PCDHGA5: variants seen among roughly 807,000 people sequenced by gnomAD.
PCDHGA5 encodes the protein protocadherin gamma subfamily A, 5.
Under a neutral mutation model 56.7 loss-of-function variants are expected in PCDHGA5, and 36 were observed. That is an observed-to-expected ratio of 0.64 (90% confidence interval 0.49 to 0.84). PCDHGA5 has a LOEUF of 0.84. PCDHGA5 is among the 40% of genes least tolerant of loss of function. The pLI is 0.00. For synonymous variants in PCDHGA5, 563 were observed against 520.2 expected, an observed-to-expected ratio of 1.08 and a Z score of -1.12; for missense variants, 1,305 against 1,201.5, an observed-to-expected ratio of 1.09 and a Z score of -1.27.
At chr5:141,400,232 C>CT (rs1207022796) in intron 1 of PCDHGA5, 6 of 1,613,914 alleles carry the variant, frequency 3.7e-6, no homozygotes, top group African/African-American at 1.3e-5. Context: ...TTCCTCCTGG[C>CT]CGTGATTCTG....
At chr5:141,410,736 A>G (rs553799279) in intron 1 of PCDHGA5, 1 of 1,334,690 alleles carries the variant, frequency 7.5e-7, no homozygotes, top group East Asian at 2.4e-5. Flanking sequence ...ATAGCTTTTT[A>G]CAATATTTTC....
chr5:141,420,318 T>C, intron 1 of PCDHGA5: 1 of 1,446,376 alleles, frequency 6.9e-7, no homozygotes, highest in Non-Finnish European at 9.3e-7. Context: ...TATTACAATA[T>C]GCCAATATAT....
rs757663132 is a variant in PCDHGA5 at position 141,510,991 on chromosome 5, A to G, written c.2614A>G (p.Met872Val). ...CACCCTGGGAGGGGGTGCCGGCACC[A>G]TGGGATTGAGCGCCCGCTACGGACC... is the stretch of plus-strand genomic sequence containing the variant. ...SSTLGGGAGT[M>V]GLSARYGPQF... is the part of the protein sequence containing the mutation. Residue 872 changes from methionine (M) to valine (V), a missense_variant, in exon 4 of 4, where the codon ATG becomes GTG. Coordinates refer to ENST00000518069, the MANE Select transcript of PCDHGA5 (RefSeq NM_018918.3). 1.2e-6 allele frequency: 2 copies of G among 1,614,136 alleles called. No individual in the cohort carries two copies. Among genetic ancestry groups the G allele is most frequent in the Admixed American group, 3.3e-5 (2 of 60,022 alleles).
At chr5:141,428,008 T>C (rs2097099623) in intron 1 of PCDHGA5, 4 of 1,601,848 alleles carry the variant, frequency 2.5e-6, no homozygotes, top group Admixed American at 3.3e-5. Context: ...CTCTTCGATA[T>C]AGTGCCACGC....
intron 1 of PCDHGA5, chr5:141,426,945 A>G: frequency 8.8e-6 from 4 of 456,724 alleles, no homozygotes; most frequent in Non-Finnish European, 1.8e-5. Context: ...CCCAGTCCCA[A>G]CTGGCACTGC....
At chr5:141,446,049 G>T (rs1043671484) in intron 1 of PCDHGA5, among the ~76,000 whole-genome samples, 1 of 152,100 alleles carries the variant, frequency 6.6e-6, no homozygotes, top group African/African-American at 2.4e-5. Context: ...AAGAAGAGCT[G>T]GCTTGGATTA....
chr5:141,409,004 G>A, intron 1 of PCDHGA5: 3 of 1,614,004 alleles, frequency 1.9e-6, no homozygotes, highest in Non-Finnish European at 1.7e-6. Context: ...GACAGCCACT[G>A]ACCAGGATGA....
At position 141,463,610 on chromosome 5, in the gene PCDHGA5, G is replaced by T. The variant is rs189991450; in HGVS notation, c.2422-31197G>T. Among the ~76,000 whole-genome samples, 263 of 151,786 alleles carry T rather than the reference G, an allele frequency of 1.7e-3. 1 individual carries two copies. The highest frequency in any genetic ancestry group is 3.4e-3 in the Middle Eastern group (1 of 292). ...ACTACAGGTGCCTGCCACCATGCCC[G>T]GCTAATTTTTTGTATTTTGTTTAGT... On this transcript the variant is annotated intron_variant, in intron 1 of 3. Transcript: ENST00000518069.
chr5:141,394,276 C>T, intron 1 of PCDHGA5: 2 of 1,613,976 alleles, frequency 1.2e-6, no homozygotes, highest in South Asian at 1.1e-5. Flanking sequence ...GCCCAGGTCA[C>T]TTACTCTGTG....
chr5:141,410,650 T>C (rs781083173), intron 1 of PCDHGA5: 3 of 1,590,604 alleles, frequency 1.9e-6, no homozygotes, highest in Non-Finnish European at 2.6e-6. Context: ...GTGTGATTTA[T>C]CTAATAGTCT....
intron 1 of PCDHGA5, among the ~76,000 whole-genome samples, chr5:141,445,700 A>G (rs2098474731): frequency 6.6e-6 from 1 of 152,216 alleles, no homozygotes; most frequent in Non-Finnish European, 1.5e-5. Flanking sequence ...TAAAAAAGAA[A>G]TTGTCAGGCA....
intron 1 of PCDHGA5, chr5:141,423,051 CCTG>C (rs771403541): frequency 2.5e-6 from 4 of 1,614,208 alleles, no homozygotes; most frequent in Admixed American, 1.7e-5. Flanking sequence ...TGTCCTATCG[CCTG>C]CTTAAGGCCA....
intron 1 of PCDHGA5, among the ~76,000 whole-genome samples, chr5:141,368,579 A>G (rs28694549): frequency 0.14 from 21,947 of 152,060 alleles, 2,144 homozygotes; most frequent in African/African-American, 0.28. Flanking sequence ...TCTTAGGGTA[A>G]GGTGTTTGGG....
At chr5:141,409,135 T>G (rs748247175) in intron 1 of PCDHGA5, 1 of 1,614,026 alleles carries the variant, frequency 6.2e-7, no homozygotes, top group Non-Finnish European at 8.5e-7. Context: ...ATTTTGAAGA[T>G]GTAGAAAGGT....
rs1364415249 is a variant in PCDHGA5 at position 141,489,240 on chromosome 5, C to A, written c.2422-5567C>A. The stretch of plus-strand genomic sequence containing the variant: ...ACTCTCCACAAAGGGACTTCTGGGT[C>A]ATGGGGCCCAAGACACTCCCACAGC... On this transcript the variant is annotated intron_variant, in intron 1 of 3. Coordinates refer to ENST00000518069, the MANE Select transcript of PCDHGA5 (RefSeq NM_018918.3). The surrounding 1 kb of genome is among the most constrained non-coding windows in gnomAD (Gnocchi z 4.5). 1 of 1,534,136 alleles carries A rather than the reference C, an allele frequency of 6.5e-7. No individual in the cohort carries two copies. Among genetic ancestry groups the A allele is most frequent in the South Asian group, 1.3e-5 (1 of 76,896 alleles).
rs769153122 is a variant in PCDHGA5 at position 141,485,243 on chromosome 5, C to T, written c.2422-9564C>T. 8 of 1,614,062 alleles carry T rather than the reference C, an allele frequency of 5.0e-6. No homozygotes were observed. In the Admixed American group the frequency reaches 1.2e-4, roughly 24 times the overall value. ...TACCCTTTTGTTCCTCTTTTACCACCTGGGTTACGTTTGTGGGCAGATCCG... is the reference window on the plus strand; with the variant it reads ...TACCCTTTTGTTCCTCTTTTACCACTTGGGTTACGTTTGTGGGCAGATCCG... On this transcript the variant is annotated intron_variant, in intron 1 of 3. Transcript: ENST00000518069. The surrounding 1 kb of genome is among the most constrained non-coding windows in gnomAD (Gnocchi z 5.7).
intron 2 of PCDHGA5, among the ~76,000 whole-genome samples, chr5:141,504,651 G>A (rs905210723): frequency 8.4e-6 from 1 of 119,750 alleles, no homozygotes; most frequent in Non-Finnish European, 1.6e-5. Flanking sequence ...ATGATAGAGT[G>A]TTTGAGGGCG....
chr5:141,422,968 C>T lies in PCDHGA5; in HGVS notation c.2421+56217C>T. 6.2e-7 allele frequency: 1 copy of T among 1,614,240 alleles called. No homozygotes were observed. Among genetic ancestry groups the T allele is most frequent in the South Asian group, 1.1e-5 (1 of 91,086 alleles). On this transcript the variant is annotated intron_variant, in intron 1 of 3. Coordinates refer to ENST00000518069, the MANE Select transcript of PCDHGA5 (RefSeq NM_018918.3). ...CTCCACTGGCGTGGAGCTGGCGCCC[C>T]GCTCTGCGGAACCTGGCTACCTGGT...
rs1022106778 is a variant in PCDHGA5, at chr5:141,384,657, C to A, written c.2421+17906C>A. ...CACCCCGCTCCGCAGAGCCCGGCTACCTGGTGACCAAGGTGGTGGCGGTGG... is the reference window on the plus strand; with the variant it reads ...CACCCCGCTCCGCAGAGCCCGGCTAACTGGTGACCAAGGTGGTGGCGGTGG... On this transcript the variant is annotated intron_variant, in intron 1 of 3. Transcript: ENST00000518069. 23 of 1,614,124 alleles carry A rather than the reference C, an allele frequency of 1.4e-5. No homozygotes were observed. The African/African-American group carries it at 2.0e-4, about 14-fold the overall frequency.
Sources: allele counts gnomAD v4.1 joint callset (sites outside exome capture counted in the v4.1 genomes callset), GRCh38; gene constraint gnomAD v4.1.1; non-coding constraint Gnocchi (gnomAD v3.1); transcripts MANE v1.5; gene names NCBI Gene and HGNC (gene_info 2026-07-23, HGNC 2026-07-21).